MSI2: variants seen among roughly 807,000 people sequenced by gnomAD.
The protein encoded by MSI2 is musashi RNA binding protein 2.
A neutral mutation model predicts 45.6 loss-of-function variants in MSI2; 17 were observed. The ratio of observed to expected loss-of-function variants is 0.37; its 90% CI spans 0.26 to 0.56. The LOEUF is 0.56. MSI2 is among the 20% of genes least tolerant of loss of function. The probability of loss-of-function intolerance (pLI) is 0.77; values close to 1 mark genes in which losing one functional copy is unlikely to be tolerated. For synonymous variants in MSI2, 156 were observed against 158.2 expected, an observed-to-expected ratio of 0.99 and a Z score of 0.11; for missense variants, 293 against 444.2, an observed-to-expected ratio of 0.66 and a Z score of 3.06.
At chr17:57,351,024 C>T (rs1168773451) in intron 5 of MSI2, among the ~76,000 whole-genome samples, 1 of 152,100 alleles carries the variant, frequency 6.6e-6, no homozygotes, top group African/African-American at 2.4e-5. Context: ...TACTGAAATT[C>T]AGCTGTTGTG....
intron 10 of MSI2, among the ~76,000 whole-genome samples, chr17:57,643,702 G>T (rs973641456): frequency 1.3e-5 from 2 of 152,256 alleles, no homozygotes; most frequent in Non-Finnish European, 2.9e-5. Flanking sequence ...CCTCAACAAA[G>T]GTTTGACATT....
At chr17:57,584,052 G>C (rs896152697) in intron 7 of MSI2, among the ~76,000 whole-genome samples, 2 of 152,304 alleles carry the variant, frequency 1.3e-5, no homozygotes, top group South Asian at 4.1e-4. Flanking sequence ...CCAGCTCCCT[G>C]GTGGTGTGGA....
the MSI2 span, among the ~76,000 whole-genome samples, chr17:57,700,426 G>A: frequency 6.6e-6 from 1 of 152,186 alleles, no homozygotes; most frequent in Non-Finnish European, 1.5e-5. Context: ...ACTTGATATT[G>A]AAGAAGCATA....
chr17:57,396,880 G>A (rs2083900910), intron 5 of MSI2, among the ~76,000 whole-genome samples: 1 of 152,220 alleles, frequency 6.6e-6, no homozygotes, highest in African/African-American at 2.4e-5. Flanking sequence ...GGCGCCTGCT[G>A]GGAGAGGGGG....
At chr17:57,554,863 A>G (rs1482264283) in intron 7 of MSI2, among the ~76,000 whole-genome samples, 2 of 152,236 alleles carry the variant, frequency 1.3e-5, no homozygotes, top group Non-Finnish European at 2.9e-5. Flanking sequence ...ACTCACAACC[A>G]TCCCTTCCTG....
At chr17:57,674,738 T>G (rs751842004) in intron 11 of MSI2, among the ~76,000 whole-genome samples, 8 of 152,354 alleles carry the variant, frequency 5.3e-5, no homozygotes, top group Non-Finnish European at 1.2e-4. Context: ...TTTTTGGAGC[T>G]CCAAGCTTCT....
intron 7 of MSI2, among the ~76,000 whole-genome samples, chr17:57,579,648 C>T (rs2088148231): frequency 6.6e-6 from 1 of 152,188 alleles, no homozygotes. Context: ...TTGGAGGCAG[C>T]CGTCTTCTGG....
rs17821661 is a variant in MSI2 at position 57,442,986 on chromosome 17, G to T, written c.405+41515G>T. Among the ~76,000 whole-genome samples the T allele has an allele frequency of 8.0e-3, 1,218 of 152,326 alleles. 37 individuals carry two copies. Among genetic ancestry groups the T allele is most frequent in the East Asian group, 0.068 (351 of 5,192 alleles). ...AGGGGTTAGGGGTTACTTCCCACCT[G>T]CCAGCACCTTCCCTGCTCTGAGGAA... On this transcript the variant is annotated intron_variant, in intron 6 of 13. Transcript: ENST00000284073.
chr17:57,639,377 G>A (rs578094838), intron 10 of MSI2, among the ~76,000 whole-genome samples: 2 of 152,304 alleles, frequency 1.3e-5, no homozygotes, highest in Admixed American at 6.5e-5. Flanking sequence ...CATCTGGGCA[G>A]AGACTGTCCT....
rs148738259 is a variant in MSI2 at position 57,269,157 on chromosome 17, T to C, written c.312+6965T>C. The stretch of plus-strand genomic sequence containing the variant: ...ATAATGGCAGGAATGCTGTTCTTCC[T>C]TCCGGCTAGGCACTAGGAAAGGTCA... On this transcript the variant is annotated intron_variant, in intron 5 of 13. Transcript: ENST00000284073. Among the ~76,000 whole-genome samples, 245 of 152,314 alleles carry C rather than the reference T, an allele frequency of 1.6e-3. 1 individual carries two copies. The highest frequency in any genetic ancestry group is 5.7e-3 in the African/African-American group (238 of 41,566).
chr17:57,630,812 G>C (rs758554414), intron 10 of MSI2: 3 of 152,256 alleles, frequency 2.0e-5, no homozygotes, highest in African/African-American at 4.8e-5. Context: ...TCAGGGCCAG[G>C]GCTACAGAGA....
chr17:57,356,715 A>G (rs1183153654), intron 5 of MSI2, among the ~76,000 whole-genome samples: 1 of 152,060 alleles, frequency 6.6e-6, no homozygotes, highest in Admixed American at 6.5e-5. Flanking sequence ...TCCATTGTTT[A>G]TATTTGATAA....
At position 57,681,079 on chromosome 17, in the gene MSI2, A is replaced by G. The variant is rs1913568469; in HGVS notation, c.*1562A>G. On this transcript the variant is annotated 3_prime_UTR_variant, in exon 14 of 14. Coordinates refer to ENST00000284073, the MANE Select transcript of MSI2 (RefSeq NM_138962.4). ...GAAGAATTTTTTTTTAATTTATTGT[A>G]GATGTAAACAGAATTTTAAAAATAA... The G allele has an allele frequency of 5.4e-6, 1 of 185,360 alleles. No individual in the cohort carries two copies. The highest frequency in any genetic ancestry group is 2.3e-5 in the African/African-American group (1 of 42,600). 11.5% of individuals were successfully genotyped at this position (185,360 alleles called of 1,614,324 possible).
chr17:57,685,866 G>T (rs1193872732), downstream of MSI2, among the ~76,000 whole-genome samples: 10 of 152,334 alleles, frequency 6.6e-5, no homozygotes, highest in East Asian at 1.7e-3. Context: ...GACACATGAG[G>T]CCGGCCATCG....
chr17:57,491,080 A>G (rs2085862575), intron 6 of MSI2, among the ~76,000 whole-genome samples: 1 of 152,198 alleles, frequency 6.6e-6, no homozygotes, highest in Admixed American at 6.5e-5. Context: ...CACAGCTTGC[A>G]GGTGTCCTGG....
intron 5 of MSI2, among the ~76,000 whole-genome samples, chr17:57,357,304 A>C (rs1302090950): frequency 6.6e-6 from 1 of 152,028 alleles, no homozygotes; most frequent in African/African-American, 2.4e-5. Flanking sequence ...GCATGGTCTT[A>C]AGCTCCAGGA....
At chr17:57,419,200 T>A (rs1245346145) in intron 6 of MSI2, among the ~76,000 whole-genome samples, 2 of 151,550 alleles carry the variant, frequency 1.3e-5, no homozygotes, top group Admixed American at 6.6e-5. Context: ...TTTTTTTTTT[T>A]AAATAGAGCA....
At chr17:57,472,326 C>T (rs908440049) in intron 6 of MSI2, among the ~76,000 whole-genome samples, 14 of 152,122 alleles carry the variant, frequency 9.2e-5, no homozygotes, top group African/African-American at 1.2e-4. Context: ...GGGGGCAGGG[C>T]GAGCTCAGGG....
chr17:57,284,353 T>G (rs1909683111), intron 5 of MSI2, among the ~76,000 whole-genome samples: 1 of 152,102 alleles, frequency 6.6e-6, no homozygotes. Flanking sequence ...CCCGAAACGT[T>G]TGTAGTACAG....
Sources: gnomAD v4.1 joint callset for allele counts (sites outside exome capture counted in the v4.1 genomes callset) on GRCh38, gnomAD v4.1.1 for gene constraint, MANE v1.5 for transcripts, NCBI Gene and HGNC (gene_info 2026-07-23, HGNC 2026-07-21) for gene names.